Variants in CSRNP3 observed in about 807,000 individuals in gnomAD.
The protein encoded by CSRNP3 is cysteine and serine rich nuclear protein 3.
Under a neutral mutation model 48.0 loss-of-function variants are expected in CSRNP3, and 12 were observed. The observed-to-expected ratio is 0.25, with a 90% CI of 0.16 to 0.41. CSRNP3 has a LOEUF of 0.41. CSRNP3 is among the 10% of genes least tolerant of loss of function. The probability of loss-of-function intolerance (pLI) is 1.00; values close to 1 mark genes in which losing one functional copy is unlikely to be tolerated. For synonymous variants in CSRNP3, 263 were observed against 269.7 expected (o/e 0.98, Z 0.24); for missense variants, 580 against 724.4 (o/e 0.80, Z 2.29).
intron 1 of CSRNP3, among the ~76,000 whole-genome samples, chr2:165,479,756 C>A (rs1684014462): frequency 6.6e-6 from 1 of 151,790 alleles, no homozygotes; most frequent in Admixed American, 6.6e-5. Context: ...CATGGTGGTA[C>A]ATGCCTATAG....
chr2:165,653,878 A>G (rs1686957841), intron 4 of CSRNP3, among the ~76,000 whole-genome samples: 1 of 148,734 alleles, frequency 6.7e-6, no homozygotes, highest in Non-Finnish European at 1.5e-5. Context: ...AGGCTGAGGA[A>G]GGAGAATCAT....
chr2:165,656,190 T>A (rs1201192679), intron 4 of CSRNP3, among the ~76,000 whole-genome samples: 1 of 152,230 alleles, frequency 6.6e-6, no homozygotes. Context: ...CTTACCTGTC[T>A]CACTAACAGT....
intron 3 of CSRNP3, among the ~76,000 whole-genome samples, chr2:165,576,904 A>G (rs1176966482): frequency 6.6e-6 from 1 of 151,976 alleles, no homozygotes. Context: ...ATCTTTGAGG[A>G]TTTTTCAAAA....
rs182926497 is a variant in CSRNP3, at chr2:165,651,952, G to A, written c.149-5809G>A. Among the ~76,000 whole-genome samples the A allele has an allele frequency of 3.9e-3, 589 of 151,986 alleles. 1 individual carries two copies. Among genetic ancestry groups the A allele is most frequent in the Non-Finnish European group, 6.5e-3 (444 of 67,956 alleles). ...ATTACAGGCGTGAGCCACTGCACCC[G>A]GCCTGAAAGCATTCTTTTAAGGATA... On this transcript the variant is annotated intron_variant, in intron 4 of 6. Transcript: ENST00000651982.
At chr2:165,569,351 T>C (rs1403410669) in intron 3 of CSRNP3, among the ~76,000 whole-genome samples, 2 of 152,080 alleles carry the variant, frequency 1.3e-5, no homozygotes, top group African/African-American at 4.8e-5. Flanking sequence ...CTTCATGCAG[T>C]AGAATGTTCA....
intron 4 of CSRNP3, among the ~76,000 whole-genome samples, chr2:165,641,972 C>T (rs1233822363): frequency 2.0e-5 from 3 of 152,102 alleles, no homozygotes; most frequent in African/African-American, 7.2e-5. Context: ...TCTGAGGTTA[C>T]GTTTGGCTTT....
chr2:165,678,890 A>T lies in CSRNP3; in HGVS notation c.895A>T (p.Ser299Cys). The change falls in exon 7 of 7, where the codon AGT (serine) becomes TGT (cysteine). Residue 299 changes from serine (S) to cysteine (C), a missense_variant. This residue lies in a region of CSRNP3 where 369 missense variants were observed against 380.8 expected (regional missense o/e 0.97). Coordinates refer to ENST00000651982, the MANE Select transcript of CSRNP3 (RefSeq NM_001172173.2). ...NGCHSEISAH[S>C]SSMGPVAHSV... ...CTGCCACAGTGAGATAAGTGCTCAC[A>T]GTAGTTCTATGGGCCCTGTCGCTCA... The T allele has an allele frequency of 6.2e-7, 1 of 1,614,032 alleles. No individual in the cohort carries two copies. Among genetic ancestry groups the T allele is most frequent in the Non-Finnish European group, 8.5e-7 (1 of 1,179,940 alleles).
chr2:165,587,109 G>A (rs982455525), intron 3 of CSRNP3, among the ~76,000 whole-genome samples: 1 of 152,186 alleles, frequency 6.6e-6, no homozygotes, highest in African/African-American at 2.4e-5. Context: ...TTTCATAAAT[G>A]TGCTCACAGG....
intron 3 of CSRNP3, among the ~76,000 whole-genome samples, chr2:165,594,422 C>A (rs1463757978): frequency 2.0e-5 from 3 of 152,184 alleles, no homozygotes; most frequent in Non-Finnish European, 4.4e-5. Flanking sequence ...CATATCCATT[C>A]TCTACCCATA....
chr2:165,667,049 A>AG lies in CSRNP3; in HGVS notation c.408+9030dup, dbSNP rs1558968312. ...GAGAGAGGAAGAAAGAAAGAGAGAG[A>AG]GAAAGGAAGGAAGGAAGGAAAGAGA... is the stretch of plus-strand genomic sequence containing the variant. On this transcript the variant is annotated intron_variant, in intron 5 of 6. Coordinates refer to ENST00000651982, the MANE Select transcript of CSRNP3 (RefSeq NM_001172173.2). Among the ~76,000 whole-genome samples the AG allele has an allele frequency of 8.8e-3, 73 of 8,290 alleles. 17 individuals carry two copies. Among genetic ancestry groups the AG allele is most frequent in the East Asian group, 0.045 (14 of 314 alleles). 5.4% of individuals were successfully genotyped at this position (8,290 alleles called of 152,430 possible).
chr2:165,500,754 G>A (rs899185184), intron 2 of CSRNP3, among the ~76,000 whole-genome samples: 1 of 151,844 alleles, frequency 6.6e-6, no homozygotes, highest in African/African-American at 2.4e-5. Context: ...CACCGTGCCT[G>A]GCCATTATTT....
intron 2 of CSRNP3, among the ~76,000 whole-genome samples, chr2:165,506,130 A>G (rs1307423364): frequency 6.6e-6 from 1 of 152,140 alleles, no homozygotes; most frequent in Non-Finnish European, 1.5e-5. Context: ...ATATGGGATT[A>G]CGGGTTCCCC....
chr2:165,569,100 C>G (rs1685335547), intron 3 of CSRNP3, among the ~76,000 whole-genome samples: 1 of 152,040 alleles, frequency 6.6e-6, no homozygotes, highest in African/African-American at 2.4e-5. Context: ...TCCCTAGCAA[C>G]TCTCTCAGAG....
chr2:165,501,878 A>T (rs1003909407), intron 2 of CSRNP3, among the ~76,000 whole-genome samples: 1 of 152,116 alleles, frequency 6.6e-6, no homozygotes, highest in Non-Finnish European at 1.5e-5. Context: ...ATTTATGCAT[A>T]CACTATTGCC....
intron 4 of CSRNP3, among the ~76,000 whole-genome samples, chr2:165,648,009 G>A (rs902861146): frequency 2.0e-5 from 3 of 152,034 alleles, no homozygotes; most frequent in African/African-American, 7.2e-5. Context: ...CTAATTTTTG[G>A]TCTGCTTTGG....
At chr2:165,496,391 T>C (rs1684283984) in intron 2 of CSRNP3, among the ~76,000 whole-genome samples, 1 of 152,068 alleles carries the variant, frequency 6.6e-6, no homozygotes, top group African/African-American at 2.4e-5. Context: ...ATGGCACTGA[T>C]ATTGCCTTTC....
intron 1 of CSRNP3, among the ~76,000 whole-genome samples, chr2:165,479,874 ACC>A (rs1684016414): frequency 5.6e-5 from 8 of 143,274 alleles, no homozygotes; most frequent in Admixed American, 3.6e-4. Flanking sequence ...GAGAGATGAG[ACC>A]AGTCTCAAAA....
At chr2:165,555,717 C>A (rs540261498) in intron 3 of CSRNP3, among the ~76,000 whole-genome samples, 125 of 152,250 alleles carry the variant, frequency 8.2e-4, no homozygotes, top group African/African-American at 3.0e-3. Flanking sequence ...GCTCTTATCC[C>A]AGTTTTGTGA....
At chr2:165,554,353 A>G (rs1160219958) in intron 3 of CSRNP3, among the ~76,000 whole-genome samples, 4 of 152,136 alleles carry the variant, frequency 2.6e-5, no homozygotes, top group Non-Finnish European at 5.9e-5. Context: ...GAAAATTTTT[A>G]TCTTTAGCTT....
Sources: allele counts gnomAD v4.1 joint callset (sites outside exome capture counted in the v4.1 genomes callset), GRCh38; gene constraint gnomAD v4.1.1; regional missense constraint gnomAD v4.1.1; transcripts MANE v1.5; gene names NCBI Gene and HGNC (gene_info 2026-07-23, HGNC 2026-07-21).